Variants in CDH8 observed in about 807,000 individuals in gnomAD.
CDH8 encodes the protein cadherin 8.
In CDH8, 17 loss-of-function variants were observed where a neutral mutation model predicts 68.1. That is an observed-to-expected ratio of 0.25 (90% CI 0.17 to 0.37). The LOEUF is 0.37. CDH8 is among the 10% of genes least tolerant of loss of function. The pLI, the probability that CDH8 is intolerant of heterozygous loss-of-function variation, is 1.00. For missense variants in CDH8, 763 were observed against 999.3 expected, an observed-to-expected ratio of 0.76 and a Z score of 3.19; for synonymous variants, 372 against 365.1, an observed-to-expected ratio of 1.02 and a Z score of -0.21.
intron 2 of CDH8, among the ~76,000 whole-genome samples, chr16:61,991,703 A>T (rs1027791244): frequency 6.6e-6 from 1 of 152,168 alleles, no homozygotes; most frequent in East Asian, 1.9e-4. Flanking sequence ...GTTATCCAAG[A>T]TCTCACTCTC....
At chr16:62,028,492 CCTT>C (rs1457118753) in intron 1 of CDH8, among the ~76,000 whole-genome samples, 1 of 152,120 alleles carries the variant, frequency 6.6e-6, no homozygotes, top group Non-Finnish European at 1.5e-5. Flanking sequence ...CTCTCCTCCT[CCTT>C]CTTTCCCAAG....
chr16:61,931,248 C>T (rs772590381), intron 2 of CDH8, among the ~76,000 whole-genome samples: 1 of 152,128 alleles, frequency 6.6e-6, no homozygotes, highest in South Asian at 2.1e-4. Context: ...ACTGTCATCT[C>T]GAACTCCTGG....
chr16:62,010,950 A>G (rs1901795238), intron 2 of CDH8, among the ~76,000 whole-genome samples: 1 of 151,754 alleles, frequency 6.6e-6, no homozygotes, highest in South Asian at 2.1e-4. Flanking sequence ...TTTCAAAAAA[A>G]AAAAACAAAC....
intron 2 of CDH8, among the ~76,000 whole-genome samples, chr16:61,995,181 C>A (rs1597115155): frequency 6.6e-6 from 1 of 152,172 alleles, no homozygotes; most frequent in Non-Finnish European, 1.5e-5. Context: ...GAAATTATTT[C>A]TTGTGATAGA....
At chr16:61,984,837 T>C (rs2150584992) in intron 2 of CDH8, among the ~76,000 whole-genome samples, 1 of 152,302 alleles carries the variant, frequency 6.6e-6, no homozygotes, top group South Asian at 2.1e-4. Flanking sequence ...GAACTTGATT[T>C]TTTGCGTATA....
At chr16:61,976,244 C>T (rs533881752) in intron 2 of CDH8, among the ~76,000 whole-genome samples, 1 of 152,208 alleles carries the variant, frequency 6.6e-6, no homozygotes, top group Non-Finnish European at 1.5e-5. Context: ...TGACTCTTAG[C>T]TTGCAAAGCA....
chr16:62,011,276 A>G (rs533700341), intron 2 of CDH8, among the ~76,000 whole-genome samples: 1 of 152,292 alleles, frequency 6.6e-6, no homozygotes, highest in Admixed American at 6.5e-5. Context: ...GAAGTAGTCC[A>G]TGGAACTGAG....
At chr16:61,969,201 G>T (rs986495173) in intron 2 of CDH8, among the ~76,000 whole-genome samples, 22 of 152,182 alleles carry the variant, frequency 1.4e-4, no homozygotes, top group Non-Finnish European at 3.1e-4. Flanking sequence ...AGAACTCCCG[G>T]TTCTCAGAGT....
chr16:61,960,637 T>G (rs1018762886), intron 2 of CDH8, among the ~76,000 whole-genome samples: 30 of 152,284 alleles, frequency 2.0e-4, no homozygotes, highest in African/African-American at 7.2e-4. Context: ...AGCAAATGGA[T>G]GAATTATTGC....
rs1963242485 is a variant in CDH8, at chr16:61,648,018, A to G, written c.*5590T>C. On this transcript the variant is annotated 3_prime_UTR_variant, in exon 12 of 12. Transcript: ENST00000577390. Reference sequence around the variant, plus strand: ...TGGGGAAATAGTACCCAAAGGCACTATTTTCACCAGCAAATGCCTACTAAC... The same window carrying G: ...TGGGGAAATAGTACCCAAAGGCACTGTTTTCACCAGCAAATGCCTACTAAC... The G allele has an allele frequency of 6.8e-6, 4 of 584,392 alleles. No individual in the cohort carries two copies. Among genetic ancestry groups the G allele is most frequent in the Admixed American group, 5.8e-5 (2 of 34,772 alleles). 36.2% of individuals were successfully genotyped at this position (584,392 alleles called of 1,614,324 possible).
chr16:61,724,801 G>A (rs890826978), intron 9 of CDH8, among the ~76,000 whole-genome samples: 4 of 150,836 alleles, frequency 2.7e-5, no homozygotes, highest in African/African-American at 9.7e-5. Context: ...TATGAGAGAC[G>A]ATTGAAAGTA....
chr16:61,666,212 ATATATATATG>A (rs1567410996), intron 10 of CDH8, among the ~76,000 whole-genome samples: 1 of 128,838 alleles, frequency 7.8e-6, no homozygotes, highest in African/African-American at 3.0e-5. Flanking sequence ...GTGTGTATAT[ATATATATATG>A]TATATGGTTT....
intron 7 of CDH8, among the ~76,000 whole-genome samples, chr16:61,813,731 T>G (rs1962009263): frequency 6.6e-6 from 1 of 152,170 alleles, no homozygotes; most frequent in Admixed American, 6.5e-5. Flanking sequence ...TTTTAATGTG[T>G]CTGCGTACCT....
At chr16:61,906,320 T>C (rs1286743775) in intron 2 of CDH8, among the ~76,000 whole-genome samples, 1 of 152,218 alleles carries the variant, frequency 6.6e-6, no homozygotes, top group Non-Finnish European at 1.5e-5. Context: ...TTAATTCTGA[T>C]TCTCGAGGCC....
chr16:61,729,423 C>T (rs139623736), intron 8 of CDH8, among the ~76,000 whole-genome samples: 15 of 151,028 alleles, frequency 9.9e-5, no homozygotes, highest in Non-Finnish European at 1.5e-4. Context: ...TATCAAATAC[C>T]GAATGTCTAA....
chr16:61,982,514 C>G (rs764471049), intron 2 of CDH8, among the ~76,000 whole-genome samples: 1 of 152,182 alleles, frequency 6.6e-6, no homozygotes, highest in Non-Finnish European at 1.5e-5. Context: ...CCACCGCGCC[C>G]GGCTAGGCAA....
chr16:61,859,513 A>G (rs1963111972), intron 3 of CDH8, among the ~76,000 whole-genome samples: 1 of 152,156 alleles, frequency 6.6e-6, no homozygotes, highest in Non-Finnish European at 1.5e-5. Flanking sequence ...GAGCAAACCC[A>G]TATTGTGGGC....
At chr16:61,700,248 T>C (rs1964397371) in intron 10 of CDH8, among the ~76,000 whole-genome samples, 1 of 152,014 alleles carries the variant, frequency 6.6e-6, no homozygotes, top group Non-Finnish European at 1.5e-5. Flanking sequence ...AGCAGGATTA[T>C]TGGATCATAT....
At chr16:61,765,874 G>C (rs1234518519) in intron 8 of CDH8, among the ~76,000 whole-genome samples, 5 of 152,038 alleles carry the variant, frequency 3.3e-5, no homozygotes. Flanking sequence ...ATTGAAAATA[G>C]TCTATTGATA....
Sources: allele counts gnomAD v4.1 joint callset (sites outside exome capture counted in the v4.1 genomes callset), GRCh38; gene constraint gnomAD v4.1.1; transcripts MANE v1.5; gene names NCBI Gene and HGNC (gene_info 2026-07-23, HGNC 2026-07-21).